The following CGGBP1 variants were observed in gnomAD, a reference collection of about 807,000 sequenced individuals.
The protein encoded by CGGBP1 is CGG triplet repeat binding protein 1, also known as CGG triplet repeat-binding protein 1.
Under a neutral mutation model 11.4 loss-of-function variants are expected in CGGBP1, and 4 were observed. That is an observed-to-expected ratio of 0.35 (90% CI 0.17 to 0.80). The LOEUF (loss-of-function observed/expected upper bound fraction) is 0.80, where lower values mean the gene tolerates loss of function less well. CGGBP1 is among the 30% of genes least tolerant of loss of function. CGGBP1 has a pLI of 0.52. For missense variants in CGGBP1, 135 were observed against 202.1 expected (o/e 0.67, Z 2.01); for synonymous variants, 76 against 74.1 (o/e 1.03, Z -0.13).
chr3:88,140,327 G>C (rs1707043731), intron 2 of CGGBP1: 2 of 1,613,322 alleles, frequency 1.2e-6, no homozygotes, highest in South Asian at 2.2e-5. Flanking sequence ...CAATTCTTTG[G>C]GATGTTCAGA....
chr3:88,122,835 C>A (rs1705852867), intron 2 of CGGBP1, among the ~76,000 whole-genome samples: 2 of 151,634 alleles, frequency 1.3e-5, no homozygotes, highest in Admixed American at 1.3e-4. Context: ...CATGGTGAAA[C>A]CCTGTCTCTA....
At chr3:88,108,494 CA>C (rs2107746694) in intron 2 of CGGBP1, among the ~76,000 whole-genome samples, 1 of 152,170 alleles carries the variant, frequency 6.6e-6, no homozygotes, top group Non-Finnish European at 1.5e-5. Context: ...AACCATGGTC[CA>C]AAAATGTTAA....
chr3:88,074,338 A>G (rs1307412033), intron 2 of CGGBP1, among the ~76,000 whole-genome samples: 2 of 120,802 alleles, frequency 1.7e-5, no homozygotes, highest in Non-Finnish European at 3.4e-5. Context: ...CTCTTTTTAT[A>G]TCTTACTTTT....
At chr3:88,149,860 G>T (rs1707377260) in exon 1 of CGGBP1, 1 of 633,642 alleles carries the variant, frequency 1.6e-6, no homozygotes, top group East Asian at 2.8e-5. Context: ...CCCCAGCCCG[G>T]AACCACAAGT....
chr3:88,127,603 A>G (rs1221177333), intron 2 of CGGBP1, among the ~76,000 whole-genome samples: 1 of 152,076 alleles, frequency 6.6e-6, no homozygotes, highest in African/African-American at 2.4e-5. Flanking sequence ...CTAGACAAAG[A>G]CAGAGTTTCA....
upstream of CGGBP1, among the ~76,000 whole-genome samples, chr3:88,060,363 T>C (rs1000862349): frequency 1.3e-5 from 2 of 152,192 alleles, no homozygotes; most frequent in Admixed American, 1.3e-4. Context: ...ATATAACAAA[T>C]ATACCCCTAC....
intron 2 of CGGBP1, chr3:88,086,126 T>A (rs1298375685): frequency 5.9e-6 from 4 of 681,346 alleles, no homozygotes; most frequent in Non-Finnish European, 9.6e-6. Context: ...GTATAGAAGA[T>A]CCCTCCCTCC....
intron 2 of CGGBP1, chr3:88,095,336 G>C (rs1363573163): frequency 1.1e-5 from 3 of 265,990 alleles, no homozygotes; most frequent in African/African-American, 7.0e-5. Flanking sequence ...GATAGAAAGG[G>C]GTGGGGAGAA....
At chr3:88,081,357 A>G (rs1708065051) in intron 2 of CGGBP1, among the ~76,000 whole-genome samples, 1 of 152,120 alleles carries the variant, frequency 6.6e-6, no homozygotes, top group Non-Finnish European at 1.5e-5. Context: ...CTGTTGATAA[A>G]TGTCTTGGGG....
At chr3:88,087,313 G>C (rs1279898922) in intron 2 of CGGBP1, among the ~76,000 whole-genome samples, 7 of 152,102 alleles carry the variant, frequency 4.6e-5, no homozygotes, top group Admixed American at 4.6e-4. Flanking sequence ...CCTGACAGGT[G>C]ATCTGCCCAC....
chr3:88,071,423 T>C (rs1576200779), intron 2 of CGGBP1, among the ~76,000 whole-genome samples: 2 of 152,080 alleles, frequency 1.3e-5, no homozygotes, highest in South Asian at 4.1e-4. Flanking sequence ...GGCGGGCGGA[T>C]CACAAAGTTA....
chr3:88,149,161 A>T (rs1489588331), intron 1 of CGGBP1, among the ~76,000 whole-genome samples: 1 of 152,224 alleles, frequency 6.6e-6, no homozygotes, highest in East Asian at 1.9e-4. Flanking sequence ...TAGTAATAAC[A>T]GCTAAAGTTT....
intron 1 of CGGBP1, chr3:88,141,784 A>C (rs1707147334): frequency 1.6e-6 from 1 of 611,966 alleles, no homozygotes; most frequent in Admixed American, 3.5e-5. Flanking sequence ...AAAGATAAAG[A>C]CAAAGCACAT....
intron 2 of CGGBP1, among the ~76,000 whole-genome samples, chr3:88,114,724 A>G (rs1185252867): frequency 3.3e-5 from 5 of 152,160 alleles, no homozygotes; most frequent in Non-Finnish European, 5.9e-5. Context: ...ACCTAGAGAA[A>G]CATCCTTCAT....
At chr3:88,117,310 AG>A (rs1412178220) in intron 2 of CGGBP1, among the ~76,000 whole-genome samples, 5 of 152,220 alleles carry the variant, frequency 3.3e-5, no homozygotes, top group Non-Finnish European at 7.4e-5. Flanking sequence ...GGACTCATGT[AG>A]AACAAACAGG....
chr3:88,134,126 A>G (rs568151908), intron 2 of CGGBP1, among the ~76,000 whole-genome samples: 136 of 151,086 alleles, frequency 9.0e-4, no homozygotes, highest in Middle Eastern at 6.9e-3. Flanking sequence ...GGTGGGGGGT[A>G]GTGGACTGAA....
chr3:88,062,156 C>T (rs541384247), upstream of CGGBP1, among the ~76,000 whole-genome samples: 44 of 152,230 alleles, frequency 2.9e-4, 1 homozygote, highest in South Asian at 7.7e-3. Flanking sequence ...ATAAAACTGG[C>T]TCTTAACTGA....
chr3:88,111,759 G>A (rs1416559722), intron 2 of CGGBP1, among the ~76,000 whole-genome samples: 1 of 151,942 alleles, frequency 6.6e-6, no homozygotes, highest in African/African-American at 2.4e-5. Context: ...ATTGTGATGA[G>A]TATAGGAACA....
chr3:88,096,883 G>A (rs1391459166), intron 2 of CGGBP1, among the ~76,000 whole-genome samples: 1 of 151,940 alleles, frequency 6.6e-6, no homozygotes, highest in Non-Finnish European at 1.5e-5. Context: ...GATATATAAT[G>A]CATATATAAG....
Sources: gnomAD v4.1 joint callset for allele counts (sites outside exome capture counted in the v4.1 genomes callset) on GRCh38, gnomAD v4.1.1 for gene constraint, MANE v1.5 for transcripts, NCBI Gene and HGNC (gene_info 2026-07-23, HGNC 2026-07-21) for gene names.